SMG6: variants seen among roughly 807,000 people sequenced by gnomAD.
The protein encoded by SMG6 is telomerase-binding protein EST1A.
SMG6 carries 66 observed loss-of-function variants against 142.2 expected under a neutral mutation model. The observed-to-expected ratio is 0.46, with a 90% CI of 0.38 to 0.57. The LOEUF (loss-of-function observed/expected upper bound fraction) is 0.57, where lower values mean the gene tolerates loss of function less well. Ranked by LOEUF, SMG6 falls within the 20% of genes least tolerant of loss-of-function variation. The pLI is 0.00. For missense variants in SMG6, 1,793 were observed against 1,832.0 expected, an observed-to-expected ratio of 0.98 and a Z score of 0.39; for synonymous variants, 779 against 702.4, an observed-to-expected ratio of 1.11 and a Z score of -1.72.
intron 13 of SMG6, among the ~76,000 whole-genome samples, chr17:2,105,284 A>G (rs1006152416): frequency 6.7e-6 from 1 of 149,178 alleles, no homozygotes; most frequent in African/African-American, 2.5e-5. Context: ...GGTGGCTCAC[A>G]CCTGTAATCC....
chr17:2,076,576 T>C (rs1490483888), intron 15 of SMG6, among the ~76,000 whole-genome samples: 1 of 152,196 alleles, frequency 6.6e-6, no homozygotes, highest in Admixed American at 6.5e-5. Context: ...CGGCCCTGTT[T>C]TACAGCCACC....
At position 2,076,186 on chromosome 17, in the gene SMG6, CA is replaced by C. The variant is rs528414787; in HGVS notation, c.3681+5623del. On this transcript the variant is annotated intron_variant, in intron 15 of 18. Coordinates refer to ENST00000263073, the MANE Select transcript of SMG6 (RefSeq NM_017575.5). The stretch of plus-strand genomic sequence containing the variant: ...CAAACATGCGTGGTTCCTGTTTTGC[CA>C]CATCTGTGAGAGGCGCTGGGAACGG... Among the ~76,000 whole-genome samples, 428 of 152,208 alleles carry C rather than the reference CA, an allele frequency of 2.8e-3. 1 individual carries two copies. Among genetic ancestry groups the C allele is most frequent in the Non-Finnish European group, 3.6e-3 (246 of 67,988 alleles).
intron 13 of SMG6, among the ~76,000 whole-genome samples, chr17:2,143,744 T>C (rs1277235369): frequency 1.3e-5 from 2 of 152,218 alleles, no homozygotes; most frequent in Non-Finnish European, 2.9e-5. Flanking sequence ...TCTCAATAAA[T>C]TGATTAAAAT....
intron 10 of SMG6, among the ~76,000 whole-genome samples, chr17:2,222,281 T>G (rs962310483): frequency 6.6e-6 from 1 of 151,572 alleles, no homozygotes; most frequent in Non-Finnish European, 1.5e-5. Flanking sequence ...AGGTTTGGAG[T>G]AGAATGCAGC....
chr17:2,229,371 T>G (rs2073406825), intron 10 of SMG6: 1 of 152,244 alleles, frequency 6.6e-6, no homozygotes, highest in Non-Finnish European at 1.5e-5. Flanking sequence ...ACAGGTCACT[T>G]TCTTCATCAG....
At chr17:2,069,015 A>C in intron 15 of SMG6, 84 bp from the exon 16 acceptor site, 7 of 1,401,714 alleles carry the variant, frequency 5.0e-6, no homozygotes, top group Non-Finnish European at 5.9e-6. Flanking sequence ...ACGGTGTGTC[A>C]GCATCCTGCC....
intron 13 of SMG6, among the ~76,000 whole-genome samples, chr17:2,127,054 C>A (rs1316046203): frequency 6.7e-6 from 1 of 150,108 alleles, no homozygotes; most frequent in Non-Finnish European, 1.5e-5. Context: ...TGGGAGGATC[C>A]CTTGGGCTTG....
intron 13 of SMG6, among the ~76,000 whole-genome samples, chr17:2,093,682 C>CA (rs79856712): frequency 1.3e-5 from 2 of 151,894 alleles, no homozygotes; most frequent in Admixed American, 6.6e-5. Flanking sequence ...GTTGAAGCTG[C>CA]AAAAAAAATT....
intron 10 of SMG6, among the ~76,000 whole-genome samples, chr17:2,234,437 AT>A (rs2073590813): frequency 6.6e-6 from 1 of 151,220 alleles, no homozygotes; most frequent in South Asian, 2.1e-4. Context: ...AATTTTTGGT[AT>A]TTTTAGTATA....
chr17:2,095,533 T>A (rs549856436), intron 13 of SMG6, among the ~76,000 whole-genome samples: 1 of 152,290 alleles, frequency 6.6e-6, no homozygotes, highest in South Asian at 2.1e-4. Flanking sequence ...TGGGGACTCA[T>A]CACAGAACAA....
intron 13 of SMG6, among the ~76,000 whole-genome samples, chr17:2,153,675 G>A (rs1265710464): frequency 8.4e-5 from 12 of 142,256 alleles, no homozygotes; most frequent in Admixed American, 2.1e-4. Context: ...GGGGATGCAT[G>A]TAGAGTGTGA....
intron 6 of SMG6, among the ~76,000 whole-genome samples, chr17:2,286,162 T>C (rs1355521331): frequency 6.6e-6 from 1 of 152,132 alleles, no homozygotes; most frequent in East Asian, 1.9e-4. Flanking sequence ...GTTCATGAAT[T>C]AGAAGGCTTA....
In SMG6 at chr17:2,299,335, T is replaced by C. The variant is rs1315331800; in HGVS notation, c.1418A>G (p.Gln473Arg). 1 of 1,614,056 alleles carries C rather than the reference T, an allele frequency of 6.2e-7. No individual in the cohort carries two copies. The highest frequency in any genetic ancestry group is 8.5e-7 in the Non-Finnish European group (1 of 1,180,008). Residue 473 changes from glutamine (Q) to arginine (R), a missense_variant, in exon 2 of 19, where the codon CAG becomes CGG. Coordinates refer to ENST00000263073, the MANE Select transcript of SMG6 (RefSeq NM_017575.5). The surrounding 1 kb of genome is among the most constrained non-coding windows in gnomAD (Gnocchi z 4.3). ...QKPALKTQTP[Q>R]LHFLDTDDEV... ...ATCATCAGTGTCCAAGAAATGTAGCTGGGGCGTCTGAGTCTTTAGAGCAGG... is the reference window on the plus strand; with the variant it reads ...ATCATCAGTGTCCAAGAAATGTAGCCGGGGCGTCTGAGTCTTTAGAGCAGG...
At chr17:2,103,418 G>C (rs944121482) in intron 13 of SMG6, among the ~76,000 whole-genome samples, 5 of 152,210 alleles carry the variant, frequency 3.3e-5, no homozygotes, top group Non-Finnish European at 7.3e-5. Flanking sequence ...GGAAGACTTG[G>C]AGGGTTTTAT....
intron 13 of SMG6, among the ~76,000 whole-genome samples, chr17:2,110,625 GAAGA>G (rs1441900110): frequency 6.6e-6 from 1 of 152,162 alleles, no homozygotes; most frequent in East Asian, 1.9e-4. Flanking sequence ...AAAGCAGACG[GAAGA>G]AAGACCCTGA....
chr17:2,277,893 A>T (rs1383887173), intron 8 of SMG6, among the ~76,000 whole-genome samples: 2 of 152,052 alleles, frequency 1.3e-5, no homozygotes, highest in African/African-American at 4.8e-5. Flanking sequence ...AAACATTCTT[A>T]AAAAATTAGC....
At chr17:2,102,071 AG>A (rs1297795122) in intron 13 of SMG6, among the ~76,000 whole-genome samples, 2 of 152,234 alleles carry the variant, frequency 1.3e-5, no homozygotes, top group African/African-American at 2.4e-5. Flanking sequence ...TAGGACAAGC[AG>A]GGCCTAGTGG....
At chr17:2,185,906 C>A (rs986968788) in intron 12 of SMG6, among the ~76,000 whole-genome samples, 1 of 152,126 alleles carries the variant, frequency 6.6e-6, no homozygotes, top group Non-Finnish European at 1.5e-5. Context: ...CAGAAGACAG[C>A]ACAAGCAGCA....
intron 13 of SMG6, among the ~76,000 whole-genome samples, chr17:2,153,481 G>C (rs1430289428): frequency 2.0e-5 from 3 of 152,250 alleles, no homozygotes; most frequent in African/African-American, 4.8e-5. Context: ...CTGTACAACA[G>C]AGTGAATTTT....
Sources: allele counts gnomAD v4.1 joint callset (sites outside exome capture counted in the v4.1 genomes callset), GRCh38; gene constraint gnomAD v4.1.1; non-coding constraint Gnocchi (gnomAD v3.1); transcripts MANE v1.5; gene names NCBI Gene and HGNC (gene_info 2026-07-23, HGNC 2026-07-21).